Variants in LTN1 observed in about 807,000 individuals in gnomAD.
LTN1 encodes the protein listerin E3 ubiquitin protein ligase 1, also known as E3 ubiquitin-protein ligase listerin.
A neutral mutation model predicts 201.2 loss-of-function variants in LTN1; 88 were observed. That is an observed-to-expected ratio of 0.44 (90% CI 0.37 to 0.52). The LOEUF is 0.52. Among genes scored for constraint, LTN1 ranks in the 20% least tolerant of loss-of-function variants. The pLI, the probability that LTN1 is intolerant of heterozygous loss-of-function variation, is 0.00. For synonymous variants in LTN1, 645 were observed against 713.5 expected, an observed-to-expected ratio of 0.90 and a Z score of 1.53; for missense variants, 1,752 against 2,038.7, an observed-to-expected ratio of 0.86 and a Z score of 2.71.
intron 16 of LTN1, among the ~76,000 whole-genome samples, chr21:28,955,872 G>A (rs1217886870): frequency 7.1e-6 from 1 of 141,534 alleles, no homozygotes; most frequent in Non-Finnish European, 1.5e-5. Flanking sequence ...GTGGTGAGCC[G>A]AGATTGCGCC....
chr21:28,940,055 T>C (rs991885316), intron 25 of LTN1, among the ~76,000 whole-genome samples: 3 of 152,228 alleles, frequency 2.0e-5, no homozygotes, highest in African/African-American at 4.8e-5. Context: ...AAAAGTCACA[T>C]TGGAAATGAA....
At position 28,966,977 on chromosome 21, in the gene LTN1, G is replaced by A. The variant is rs569814116; in HGVS notation, c.1514C>T (p.Pro505Leu). ...CAAAACGGACTCAACATCAGCTTCT[G>A]GCTCACTGATTTTCGCAACACAGAT... ...SEICVAKISE[P>L]EADVESVLGV... The change falls in exon 10 of 30, where the codon CCA becomes CTA. Residue 505 changes from proline (P) to leucine (L), a missense_variant. This residue lies in a region of LTN1 where 1,211 missense variants were observed against 1,312.8 expected (regional missense o/e 0.92). Transcript: ENST00000361371. 5 of 1,613,936 alleles carry A rather than the reference G, an allele frequency of 3.1e-6. No individual in the cohort carries two copies. In the Admixed American group the frequency reaches 5.0e-5, roughly 16 times the overall value.
At chr21:28,943,525 G>A (rs1255552664) in intron 23 of LTN1, 142 bp downstream of exon 23, 3 of 703,228 alleles carry the variant, frequency 4.3e-6, no homozygotes, top group Non-Finnish European at 7.1e-6. Context: ...TAAAAGATGA[G>A]GCAACTTAGG....
chr21:28,983,193 G>C (rs1289600880), intron 4 of LTN1, among the ~76,000 whole-genome samples: 1 of 152,160 alleles, frequency 6.6e-6, no homozygotes, highest in Non-Finnish European at 1.5e-5. Flanking sequence ...GTAATGAACT[G>C]TAACATAGCC....
intron 11 of LTN1, 74 bp downstream of exon 11, chr21:28,965,791 A>T: frequency 1.2e-6 from 1 of 834,400 alleles, no homozygotes; most frequent in Non-Finnish European, 1.9e-6. Flanking sequence ...TTTATTGTGT[A>T]AATAGGACTA....
intron 6 of LTN1, among the ~76,000 whole-genome samples, chr21:28,973,118 C>A (rs893754165): frequency 6.6e-6 from 1 of 151,922 alleles, no homozygotes; most frequent in Non-Finnish European, 1.5e-5. Flanking sequence ...GAGGCTGAGG[C>A]GGGCAGATCA....
chr21:28,935,221 T>C lies in LTN1; in HGVS notation c.4763A>G (p.Lys1588Arg). The C allele has an allele frequency of 6.2e-7, 1 of 1,613,354 alleles. No individual in the cohort carries two copies. Among genetic ancestry groups the C allele is most frequent in the Non-Finnish European group, 8.5e-7 (1 of 1,179,254 alleles). Residue 1588 changes from lysine (K) to arginine (R), a missense_variant, in exon 27 of 30, where the codon AAG (lysine) becomes AGG (arginine). By Grantham distance (26) the Lys-to-Arg change is conservative. Transcript: ENST00000361371. ...TCTATCCACAATATTGAAAACACGCTTCTCACTGCTATTCCACCACAACCT... is the reference window on the plus strand; with the variant it reads ...TCTATCCACAATATTGAAAACACGCCTCTCACTGCTATTCCACCACAACCT... ...MVRLWWNSSE[K>R]RVFNIVDRFT... is the part of the protein sequence containing the mutation.
intron 18 of LTN1, 30 bp from the exon 19 acceptor site, chr21:28,947,636 G>C (rs1398519698): frequency 6.9e-7 from 1 of 1,441,764 alleles, no homozygotes; most frequent in Non-Finnish European, 9.3e-7. Flanking sequence ...ACACAAGTTA[G>C]ATTTCTTCCA....
At chr21:28,930,688 G>C (rs565489290) in intron 29 of LTN1, among the ~76,000 whole-genome samples, 178 bp from the exon 30 acceptor site, 1 of 152,098 alleles carries the variant, frequency 6.6e-6, no homozygotes, top group Non-Finnish European at 1.5e-5. Flanking sequence ...TATTACTTCC[G>C]ATGGCTACAC....
In LTN1 at chr21:28,931,110, T is replaced by C. The variant is rs373940912; in HGVS notation, c.5238+45A>G. 4.0e-6 allele frequency: 5 copies of C among 1,263,696 alleles called. No homozygotes were observed. In the African/African-American group the frequency reaches 7.5e-5, roughly 19 times the overall value. 78.3% of individuals were successfully genotyped at this position (1,263,696 alleles called of 1,614,324 possible). ...GTGTGTGTGTGTGTGTTTATGTGTA[T>C]AAAATACATAAAATATAAGTAAGTT... On this transcript the variant is annotated intron_variant, in intron 29 of 29. Transcript: ENST00000361371.
chr21:28,960,902 G>A (rs1342338737), intron 11 of LTN1, 196 bp from the exon 12 acceptor site: 11 of 400,296 alleles, frequency 2.7e-5, no homozygotes, highest in East Asian at 2.4e-4. Flanking sequence ...TCACTTCCAC[G>A]CTTTGCTGTT....
At chr21:28,983,907 G>T (rs1195526835) in intron 4 of LTN1, among the ~76,000 whole-genome samples, 1 of 152,066 alleles carries the variant, frequency 6.6e-6, no homozygotes, top group Non-Finnish European at 1.5e-5. Context: ...CATATATTGG[G>T]AATAGAAAAT....
chr21:28,987,249 T>A (rs2084705412), intron 1 of LTN1, among the ~76,000 whole-genome samples: 1 of 152,174 alleles, frequency 6.6e-6, no homozygotes, highest in African/African-American at 2.4e-5. Flanking sequence ...TTGATTAAAA[T>A]TTTTAAAATC....
intron 25 of LTN1, among the ~76,000 whole-genome samples, chr21:28,937,108 G>T (rs368585323): frequency 1.3e-5 from 2 of 152,140 alleles, no homozygotes; most frequent in East Asian, 3.9e-4. Context: ...TGTCATGGGG[G>T]TCTTCTCAGA....
Position 28,953,292 on chromosome 21 carries a change from T to G in LTN1, c.3164A>C (p.Gln1055Pro). ...IFLIGFCEIL[Q>P]KMNITYDNLR... ...GTTATCATACGTAATATTCATTTTTTGAAGTATTTCACAAAATCCAATTAG... is the reference window on the plus strand; with the variant it reads ...GTTATCATACGTAATATTCATTTTTGGAAGTATTTCACAAAATCCAATTAG... Residue 1055 changes from glutamine to proline, a missense_variant, in exon 17 of 30, where the codon CAA becomes CCA. Around this residue, in one of 3 missense-constraint regions of LTN1, gnomAD observed 1,211 missense variants for 1,312.8 expected, o/e 0.92. Transcript: ENST00000361371. 6.2e-7 allele frequency: 1 copy of G among 1,609,142 alleles called. No individual in the cohort carries two copies. The highest frequency in any genetic ancestry group is 8.5e-7 in the Non-Finnish European group (1 of 1,178,552).
At chr21:28,960,947 C>CTTTT (rs61117798) in intron 11 of LTN1, 1 of 272,440 alleles carries the variant, frequency 3.7e-6, no homozygotes, top group African/African-American at 2.4e-5. Flanking sequence ...CCACCCCCCC[C>CTTTT]TTTTTTTTTT....
intron 27 of LTN1, among the ~76,000 whole-genome samples, chr21:28,933,561 CTACGCATTATTTGGGTTGGAG>C (rs765509865): frequency 5.9e-5 from 9 of 152,178 alleles, no homozygotes; most frequent in Admixed American, 3.3e-4. Context: ...CTTGGGACTC[CTACGCATTATTTGGGTTGGAG>C]TACTGCATTA....
intron 3 of LTN1, 124 bp from the exon 4 acceptor site, chr21:28,985,046 CA>C (rs200416801): frequency 0.015 from 8,806 of 592,922 alleles, 93 homozygotes; most frequent in Non-Finnish European, 0.021. Flanking sequence ...AAACTGAAAT[CA>C]TTTTTTTTAA....
intron 25 of LTN1, among the ~76,000 whole-genome samples, chr21:28,937,724 T>C (rs941868186): frequency 3.9e-5 from 6 of 152,114 alleles, no homozygotes; most frequent in Non-Finnish European, 8.8e-5. Flanking sequence ...ACCAACATGA[T>C]GCTTAAAGGA....
Sources: allele counts gnomAD v4.1 joint callset (sites outside exome capture counted in the v4.1 genomes callset), GRCh38; gene constraint gnomAD v4.1.1; regional missense constraint gnomAD v4.1.1; transcripts MANE v1.5; gene names NCBI Gene and HGNC (gene_info 2026-07-23, HGNC 2026-07-21).